Variants in PRAG1 observed in about 807,000 individuals in gnomAD.
The protein encoded by PRAG1 is inactive tyrosine-protein kinase PRAG1.
Under a neutral mutation model 95.6 loss-of-function variants are expected in PRAG1, and 110 were observed. That is an observed-to-expected ratio of 1.15 (90% CI 0.99 to 1.35). The LOEUF is 1.35. Ranked by LOEUF, PRAG1 falls within the 40% of genes most tolerant of loss-of-function variation. PRAG1 has a pLI of 0.00. For synonymous variants in PRAG1, 1,052 were observed against 819.4 expected (o/e 1.28, Z -4.85); for missense variants, 2,554 against 1,864.7 (o/e 1.37, Z -6.81).
chr8:8,371,659 C>T (rs1049646077), intron 3 of PRAG1, among the ~76,000 whole-genome samples: 1 of 152,120 alleles, frequency 6.6e-6, no homozygotes, highest in Admixed American at 6.5e-5. Context: ...CATTTGAGCC[C>T]AGGAGTTCGA....
At chr8:8,367,777 G>A (rs1396856978) in intron 3 of PRAG1, among the ~76,000 whole-genome samples, 1 of 152,016 alleles carries the variant, frequency 6.6e-6, no homozygotes, top group Admixed American at 6.6e-5. Flanking sequence ...GAATACCTGG[G>A]ATTACAGGTG....
In PRAG1 at chr8:8,357,230, A is replaced by C. The variant is rs1425184866; in HGVS notation, c.2163-17595T>G. Among the ~76,000 whole-genome samples the C allele has an allele frequency of 2.0e-5, 3 of 152,256 alleles. No individual in the cohort carries two copies. In the East Asian group the frequency reaches 5.8e-4, roughly 29 times the overall value. ...ATGTTGTGCATCAAAGGACATAATC[A>C]ATAGAGTGAAAAGGCAACACATGGA... On this transcript the variant is annotated intron_variant, in intron 3 of 5. Transcript: ENST00000615670.
intron 1 of PRAG1, among the ~76,000 whole-genome samples, chr8:8,383,375 A>C (rs1008690260): frequency 6.6e-6 from 1 of 152,150 alleles, no homozygotes; most frequent in Non-Finnish European, 1.5e-5. Flanking sequence ...GTTTGAGACC[A>C]GCCTGGGTAA....
At chr8:8,337,352 C>G (rs1386268099) in intron 4 of PRAG1, among the ~76,000 whole-genome samples, 1 of 152,166 alleles carries the variant, frequency 6.6e-6, no homozygotes, top group African/African-American at 2.4e-5. Context: ...TGTGCAATAA[C>G]AAATCTAAGC....
intron 5 of PRAG1, among the ~76,000 whole-genome samples, chr8:8,320,499 C>A (rs560276230): frequency 6.6e-6 from 1 of 152,288 alleles, no homozygotes; most frequent in South Asian, 2.1e-4. Flanking sequence ...AGTCTTGAAC[C>A]AGCCGTAATG....
rs1442657831 is a variant in PRAG1 at position 8,383,424 on chromosome 8, T to TA, written c.-87-1591dup. Among the ~76,000 whole-genome samples the TA allele has an allele frequency of 3.3e-5, 5 of 151,776 alleles. 1 individual carries two copies. In the South Asian group the frequency reaches 6.3e-4, roughly 19 times the overall value. On this transcript the variant is annotated intron_variant, in intron 1 of 5. Coordinates refer to ENST00000615670, the MANE Select transcript of PRAG1 (RefSeq NM_001080826.3). ...TGTCTTTACAAAGATAATAATTATT[T>TA]AAAAAAACTATCCAGGTGTAGCCAT...
chr8:8,384,627 A>AAC (rs1429431182), intron 1 of PRAG1, among the ~76,000 whole-genome samples: 1 of 151,866 alleles, frequency 6.6e-6, no homozygotes, highest in African/African-American at 2.4e-5. Flanking sequence ...AAAAAAAAAA[A>AAC]AAAAACCTCT....
At chr8:8,360,401 C>T (rs1049071653) in intron 3 of PRAG1, among the ~76,000 whole-genome samples, 8 of 152,148 alleles carry the variant, frequency 5.3e-5, no homozygotes, top group Non-Finnish European at 1.0e-4. Flanking sequence ...TCTCTGCATT[C>T]CTGAATTACC....
chr8:8,335,280 G>T (rs1015303790), intron 4 of PRAG1, among the ~76,000 whole-genome samples: 4 of 152,146 alleles, frequency 2.6e-5, no homozygotes, highest in African/African-American at 9.7e-5. Flanking sequence ...ACCTAGACAT[G>T]CATCAGCAAG....
At chr8:8,384,525 G>A (rs1036895462) in intron 1 of PRAG1, among the ~76,000 whole-genome samples, 3 of 150,180 alleles carry the variant, frequency 2.0e-5, no homozygotes, top group East Asian at 2.0e-4. Flanking sequence ...GAAGCCCTGG[G>A]CTTCCCACTG....
chr8:8,333,476 A>G lies in PRAG1; in HGVS notation c.2321-5015T>C, dbSNP rs1798886723. 5.3e-5 allele frequency among the ~76,000 whole-genome samples: 8 copies of G among 152,344 alleles called. No homozygotes were observed. In the South Asian group the frequency reaches 1.7e-3, roughly 32 times the overall value. ...AGGTGCACTAGTTTGGTGTCATTATATTTAGAAAGCAGAGATGAGAAATCA... is the reference window on the plus strand; with the variant it reads ...AGGTGCACTAGTTTGGTGTCATTATGTTTAGAAAGCAGAGATGAGAAATCA... On this transcript the variant is annotated intron_variant, in intron 4 of 5. Transcript: ENST00000615670.
chr8:8,378,499 T>G (rs1194923897), intron 2 of PRAG1, among the ~76,000 whole-genome samples: 2 of 152,098 alleles, frequency 1.3e-5, no homozygotes, highest in Non-Finnish European at 2.9e-5. Flanking sequence ...AGTTTGTGGG[T>G]TTTTTGATAA....
intron 5 of PRAG1, among the ~76,000 whole-genome samples, chr8:8,322,241 C>T (rs1798494295): frequency 6.6e-6 from 1 of 152,032 alleles, no homozygotes; most frequent in Admixed American, 6.6e-5. Flanking sequence ...AGTGCAGTGG[C>T]ACGATCTCGG....
rs1232016916 is a variant in PRAG1, at chr8:8,378,075, T to C, written c.334A>G (p.Ile112Val). Reference protein sequence around the residue: ...ANLSAEVSQVIWRRAPGKLPL... With the variant: ...ANLSAEVSQVVWRRAPGKLPL... ...AGCTTGCCAGGGGCTCGTCTCCAGATGACCTACACACAAGCCCAACGCAAA... is the reference window on the plus strand; with the variant it reads ...AGCTTGCCAGGGGCTCGTCTCCAGACGACCTACACACAAGCCCAACGCAAA... Residue 112 changes from isoleucine (I) to valine (V), a missense_variant, in exon 3 of 6, where the codon ATC becomes GTC. Physicochemically the swap from Ile to Val is conservative, Grantham distance 29. Transcript: ENST00000615670. 2 of 1,529,368 alleles carry C rather than the reference T, an allele frequency of 1.3e-6. No individual in the cohort carries two copies. Among genetic ancestry groups the C allele is most frequent in the Non-Finnish European group, 1.8e-6 (2 of 1,141,330 alleles). 94.7% of individuals were successfully genotyped at this position (1,529,368 alleles called of 1,614,324 possible).
intron 3 of PRAG1, among the ~76,000 whole-genome samples, chr8:8,357,570 AC>A (rs1799720853): frequency 6.6e-6 from 1 of 152,214 alleles, no homozygotes; most frequent in Non-Finnish European, 1.5e-5. Flanking sequence ...AGAAATTGGA[AC>A]CCTTGTGCAC....
chr8:8,362,585 G>C (rs1305990476), intron 3 of PRAG1, among the ~76,000 whole-genome samples: 2 of 152,232 alleles, frequency 1.3e-5, no homozygotes, highest in Non-Finnish European at 2.9e-5. Flanking sequence ...CCCCAGAGGA[G>C]AATGGGTGAT....
rs202099106 is a variant in PRAG1, at chr8:8,377,521, C to T, written c.888G>A (p.Gly296=). 2,747 of 1,576,598 alleles carry T rather than the reference C, an allele frequency of 1.7e-3. 1 individual carries two copies. The highest frequency in any genetic ancestry group is 2.0e-3 in the Non-Finnish European group (2,288 of 1,160,334). The change falls in exon 3 of 6, where the codon GGG becomes GGA. Residue 296 remains glycine, a synonymous_variant. Transcript: ENST00000615670. The part of the protein sequence containing the change: ...PTCWEQGKCS[G]PAEQEKRGPS... ...GGCCCCGCTTCTCCTGCTCTGCGGG[C>T]CCGGAACACTTCCCCTGCTCCCAGC...
chr8:8,336,894 T>TCCCCCCCCCCCCTTCCCCCCCCCCCCCCC (rs1799001062), intron 4 of PRAG1, among the ~76,000 whole-genome samples: 2 of 33,246 alleles, frequency 6.0e-5, no homozygotes, highest in African/African-American at 1.4e-4. Flanking sequence ...CCCACTCCCC[T>TCCCCCCCCCCCCTTCCCCCCCCCCCCCCC]CCCCACACCC....
intron 3 of PRAG1, among the ~76,000 whole-genome samples, chr8:8,343,159 TA>T (rs1288302277): frequency 4.6e-5 from 7 of 152,170 alleles, no homozygotes; most frequent in Non-Finnish European, 1.0e-4. Context: ...TTATTAAAAT[TA>T]TGAATGATCA....
Sources: allele counts gnomAD v4.1 joint callset (sites outside exome capture counted in the v4.1 genomes callset), GRCh38; gene constraint gnomAD v4.1.1; transcripts MANE v1.5; gene names NCBI Gene and HGNC (gene_info 2026-07-23, HGNC 2026-07-21).